Variants in CDH13 observed in about 807,000 individuals in gnomAD.
CDH13 encodes cadherin 13.
A neutral mutation model predicts 63.8 loss-of-function variants in CDH13; 24 were observed. The ratio of observed to expected loss-of-function variants is 0.38; its 90% confidence interval spans 0.27 to 0.53. The LOEUF is 0.53. Ranked by LOEUF, CDH13 falls within the 20% of genes least tolerant of loss-of-function variation. The probability of loss-of-function intolerance (pLI) is 0.85; values close to 1 mark genes in which losing one functional copy is unlikely to be tolerated. For synonymous variants in CDH13, 503 were observed against 355.3 expected (o/e 1.42, Z -4.67); for missense variants, 1,049 against 903.1 (o/e 1.16, Z -2.07).
chr16:82,739,336 G>C (rs549087399), intron 1 of CDH13, among the ~76,000 whole-genome samples: 1 of 152,316 alleles, frequency 6.6e-6, no homozygotes, highest in East Asian at 1.9e-4. Flanking sequence ...GGCTAGATGT[G>C]AGGGAAGAGA....
intron 4 of CDH13, among the ~76,000 whole-genome samples, chr16:83,144,776 G>A (rs1274583961): frequency 6.6e-6 from 1 of 152,224 alleles, no homozygotes; most frequent in Non-Finnish European, 1.5e-5. Flanking sequence ...CAGATTCTGT[G>A]AGCAGAAGAC....
intron 1 of CDH13, among the ~76,000 whole-genome samples, chr16:82,755,833 C>A (rs2034593534): frequency 6.6e-6 from 1 of 152,152 alleles, no homozygotes; most frequent in South Asian, 2.1e-4. Context: ...GGTTATGTGC[C>A]TTGTTAAATA....
At chr16:83,126,631 G>A (rs1358696583) in intron 4 of CDH13, among the ~76,000 whole-genome samples, 1 of 152,140 alleles carries the variant, frequency 6.6e-6, no homozygotes, top group Non-Finnish European at 1.5e-5. Context: ...GAAGGGACAA[G>A]GAAGTTGATC....
intron 9 of CDH13, among the ~76,000 whole-genome samples, chr16:83,673,986 G>T (rs993214117): frequency 6.6e-6 from 1 of 152,124 alleles, no homozygotes; most frequent in Non-Finnish European, 1.5e-5. Context: ...CCCCACATTG[G>T]CTGCCTCCCA....
At chr16:83,370,692 A>G in intron 6 of CDH13, among the ~76,000 whole-genome samples, 1 of 152,098 alleles carries the variant, frequency 6.6e-6, no homozygotes, top group East Asian at 1.9e-4. Flanking sequence ...CTCAGTGTTT[A>G]GCTCCCACTT....
chr16:83,777,100 G>A (rs569986850), intron 11 of CDH13, among the ~76,000 whole-genome samples: 2 of 152,250 alleles, frequency 1.3e-5, no homozygotes, highest in African/African-American at 4.8e-5. Flanking sequence ...TTTCCTGCTC[G>A]AGCTGCACAC....
intron 6 of CDH13, among the ~76,000 whole-genome samples, chr16:83,463,878 C>G (rs77224163): frequency 6.6e-6 from 1 of 152,080 alleles, no homozygotes; most frequent in African/African-American, 2.4e-5. Context: ...CAGGGCCACT[C>G]GTAAATCCAA....
intron 1 of CDH13, among the ~76,000 whole-genome samples, chr16:82,744,785 C>T (rs774980903): frequency 1.3e-5 from 2 of 152,156 alleles, no homozygotes; most frequent in African/African-American, 4.8e-5. Context: ...ATTTATGTTT[C>T]TTGTGCTACA....
At chr16:83,720,196 C>T (rs539359435) in intron 10 of CDH13, among the ~76,000 whole-genome samples, 4 of 152,234 alleles carry the variant, frequency 2.6e-5, no homozygotes, top group South Asian at 2.1e-4. Context: ...CACACACACA[C>T]GTTCACACAC....
chr16:82,805,613 CTG>C, intron 1 of CDH13, among the ~76,000 whole-genome samples: 1 of 152,226 alleles, frequency 6.6e-6, no homozygotes, highest in South Asian at 2.1e-4. Flanking sequence ...GAATGTCATT[CTG>C]TGAGTCAGAG....
rs2151581902 is a variant in CDH13, at chr16:83,090,718, A to T, written c.367-34667A>T. The stretch of plus-strand genomic sequence containing the variant: ...CCCGTCTGTCTGCTCCGACTGCACG[A>T]GTTGGTGATTAAACTTTAAAACAAC... On this transcript the variant is annotated intron_variant, in intron 3 of 13. Transcript: ENST00000567109. Among the ~76,000 whole-genome samples the T allele has an allele frequency of 2.0e-5, 3 of 152,298 alleles. No individual in the cohort carries two copies. In the Middle Eastern group the frequency reaches 0.01, roughly 518 times the overall value.
At chr16:83,043,828 C>A (rs1195147885) in intron 3 of CDH13, among the ~76,000 whole-genome samples, 1 of 134,808 alleles carries the variant, frequency 7.4e-6, no homozygotes, top group Non-Finnish European at 1.5e-5. Context: ...GTGACTCTAT[C>A]TCAAAAAAAA....
intron 5 of CDH13, among the ~76,000 whole-genome samples, chr16:83,260,097 T>TACACACACACACACACACAC (rs61647390): frequency 2.4e-5 from 3 of 126,478 alleles, no homozygotes; most frequent in Non-Finnish European, 3.3e-5. Context: ...GTACCCCCAA[T>TACACACACACACACACACAC]ACACACACAC....
intron 6 of CDH13, among the ~76,000 whole-genome samples, chr16:83,394,020 C>G (rs954944101): frequency 6.6e-6 from 1 of 152,070 alleles, no homozygotes; most frequent in African/African-American, 2.4e-5. Flanking sequence ...ACCGCCTGTT[C>G]TCGTAAGTGG....
chr16:82,886,079 A>G (rs1437765975), intron 2 of CDH13, among the ~76,000 whole-genome samples: 1 of 152,202 alleles, frequency 6.6e-6, no homozygotes. Flanking sequence ...TATTTCATTT[A>G]TGTTACTGAT....
intron 4 of CDH13, among the ~76,000 whole-genome samples, chr16:83,202,707 C>T (rs1277917375): frequency 6.6e-6 from 1 of 152,174 alleles, no homozygotes; most frequent in Non-Finnish European, 1.5e-5. Context: ...AATTTCCAGC[C>T]AGAAAGTCTT....
intron 5 of CDH13, among the ~76,000 whole-genome samples, chr16:83,232,528 AACG>A (rs1180923877): frequency 2.1e-5 from 3 of 145,520 alleles, no homozygotes; most frequent in Admixed American, 6.7e-5. Flanking sequence ...TGTCTCAAAA[AACG>A]ACAACAACAA....
At chr16:83,290,479 C>A (rs1158128886) in intron 5 of CDH13, among the ~76,000 whole-genome samples, 2 of 152,136 alleles carry the variant, frequency 1.3e-5, no homozygotes, top group Admixed American at 1.3e-4. Context: ...CGCCTTCCTG[C>A]CTGTGACCAT....
rs750711823 is a variant in CDH13 at position 83,120,763 on chromosome 16, C to CTTTTTTTTTTTTTTTTTT, written c.367-4606_367-4605insTTTTTTTTTTTTTTTTTT. On this transcript the variant is annotated intron_variant, in intron 3 of 13. Coordinates refer to ENST00000567109, the MANE Select transcript of CDH13 (RefSeq NM_001257.5). ...AATACAACGCGCTCTAATTTTCTTT[C>CTTTTTTTTTTTTTTTTTT]TTTTTTTTTTTTTTTTCTGAGATGG... Among the ~76,000 whole-genome samples the CTTTTTTTTTTTTTTTTTT allele has an allele frequency of 6.1e-4, 37 of 60,218 alleles. 5 individuals carry two copies. Among genetic ancestry groups the CTTTTTTTTTTTTTTTTTT allele is most frequent in the African/African-American group, 1.5e-3 (32 of 20,674 alleles). 39.5% of individuals were successfully genotyped at this position (60,218 alleles called of 152,430 possible).
Sources: gnomAD v4.1 joint callset for allele counts (sites outside exome capture counted in the v4.1 genomes callset) on GRCh38, gnomAD v4.1.1 for gene constraint, MANE v1.5 for transcripts, NCBI Gene and HGNC (gene_info 2026-07-23, HGNC 2026-07-21) for gene names.